CHLSN: variants seen among roughly 807,000 people sequenced by gnomAD.
The protein encoded by CHLSN is protein cholesin.
chr7:1,056,439 C>G, the CHLSN span: 1 of 152,498 alleles, frequency 6.6e-6, no homozygotes, highest in Non-Finnish European at 1.5e-5. Context: ...GTCCTGCCCA[C>G]CAGCCTCTGG....
the CHLSN span, chr7:1,045,518 T>A: frequency 6.6e-6 from 1 of 152,220 alleles, no homozygotes; most frequent in African/African-American, 2.4e-5. Flanking sequence ...CTCTGCAAAC[T>A]TGTATGAGTA....
At chr7:1,062,654 G>A in the CHLSN span, among the ~76,000 whole-genome samples, 1 of 152,194 alleles carries the variant, frequency 6.6e-6, no homozygotes, top group Admixed American at 6.5e-5. Context: ...GGCTTCTGTG[G>A]CCCTGAGGAT....
chr7:1,101,776 C>T, the CHLSN span, among the ~76,000 whole-genome samples: 3 of 152,254 alleles, frequency 2.0e-5, no homozygotes, highest in East Asian at 3.8e-4. Flanking sequence ...AGGGGCCGGC[C>T]GCAGGCCCAG....
the CHLSN span, among the ~76,000 whole-genome samples, chr7:1,036,458 GGCCGTGTA>G: frequency 7.9e-6 from 1 of 126,936 alleles, no homozygotes; most frequent in Non-Finnish European, 1.9e-5. Flanking sequence ...CTCGTGGTGT[GGCCGTGTA>G]GGGTTCGGGT....
the CHLSN span, among the ~76,000 whole-genome samples, chr7:1,110,901 A>T: frequency 6.6e-6 from 1 of 152,098 alleles, no homozygotes; most frequent in Non-Finnish European, 1.5e-5. Flanking sequence ...CATCAACCGT[A>T]ATCTTAGAAG....
At chr7:1,022,751 C>G in the CHLSN span, among the ~76,000 whole-genome samples, 2 of 152,216 alleles carry the variant, frequency 1.3e-5, no homozygotes, top group African/African-American at 4.8e-5. Context: ...GAATCCCCCC[C>G]AACCGTCCTC....
the CHLSN span, among the ~76,000 whole-genome samples, chr7:1,015,313 G>A: frequency 6.6e-6 from 1 of 152,110 alleles, no homozygotes; most frequent in South Asian, 2.1e-4. Context: ...GAGAGCAGGT[G>A]TGGGCTCCCC....
chr7:1,059,971 G>GTAGTGGGGTGGGTCT, the CHLSN span, among the ~76,000 whole-genome samples: 2 of 31,092 alleles, frequency 6.4e-5, no homozygotes, highest in African/African-American at 1.5e-4. Context: ...AGGCGGGCCC[G>GTAGTGGGGTGGGTCT]TAGTGGGGCG....
chr7:1,095,627 A>G, the CHLSN span, among the ~76,000 whole-genome samples: 33,782 of 152,184 alleles, frequency 0.22, 3,966 homozygotes, highest in African/African-American at 0.24. Flanking sequence ...GGGGAGACCC[A>G]CACGGAACGT....
At chr7:1,049,989 G>A in the CHLSN span, among the ~76,000 whole-genome samples, 1 of 152,000 alleles carries the variant, frequency 6.6e-6, no homozygotes. Context: ...CCACACTGTC[G>A]GCCCCCAAAG....
the CHLSN span, among the ~76,000 whole-genome samples, chr7:979,072 A>G: frequency 9.2e-5 from 14 of 152,246 alleles, no homozygotes; most frequent in African/African-American, 3.4e-4. Context: ...CTGGGGAACC[A>G]AGAGGAAGCT....
At chr7:1,007,646 T>C in the CHLSN span, among the ~76,000 whole-genome samples, 1 of 152,056 alleles carries the variant, frequency 6.6e-6, no homozygotes, top group Non-Finnish European at 1.5e-5. Flanking sequence ...TCCCAGGCCT[T>C]GGAAGAAGCT....
chr7:1,029,452 G>T, the CHLSN span, among the ~76,000 whole-genome samples: 28 of 152,184 alleles, frequency 1.8e-4, no homozygotes, highest in Non-Finnish European at 5.9e-5. Context: ...GAGAGATGGG[G>T]TCTCACTATG....
chr7:1,089,104 C>T, the CHLSN span, among the ~76,000 whole-genome samples: 1 of 152,152 alleles, frequency 6.6e-6, no homozygotes. Context: ...TCCAAAATTT[C>T]TACATTTAAA....
At chr7:1,023,771 G>A in the CHLSN span, among the ~76,000 whole-genome samples, 2,158 of 152,122 alleles carry the variant, frequency 0.014, 107 homozygotes, top group East Asian at 0.19. This position sits in a 1 kb window ranked among gnomAD's most constrained non-coding sequence, Gnocchi z 5.0. Flanking sequence ...CTCACATCTC[G>A]GCACATGTAG....
the CHLSN span, among the ~76,000 whole-genome samples, chr7:1,085,336 C>T: frequency 6.6e-6 from 1 of 152,220 alleles, no homozygotes; most frequent in South Asian, 2.1e-4. Flanking sequence ...GAAAAGATGA[C>T]TATTGACCCA....
At chr7:1,040,872 C>A in the CHLSN span, among the ~76,000 whole-genome samples, 1 of 152,232 alleles carries the variant, frequency 6.6e-6, no homozygotes, top group Non-Finnish European at 1.5e-5. Context: ...AGGCGCAGCT[C>A]GGAGCAGGGC....
the CHLSN span, among the ~76,000 whole-genome samples, chr7:1,073,574 A>G: frequency 6.6e-6 from 1 of 152,062 alleles, no homozygotes; most frequent in African/African-American, 2.4e-5. Flanking sequence ...TTTGGTTCTC[A>G]TGAAAACAGA....
At chr7:1,003,543 T>C in the CHLSN span, among the ~76,000 whole-genome samples, 1 of 28,464 alleles carries the variant, frequency 3.5e-5, no homozygotes, top group Non-Finnish European at 6.0e-5. Context: ...TGGAGTCCTG[T>C]GGGTGAGTGG....
Sources: gnomAD v4.1 joint callset for allele counts (sites outside exome capture counted in the v4.1 genomes callset) on GRCh38, gnomAD v4.1.1 for gene constraint, Gnocchi (gnomAD v3.1) non-coding constraint, MANE v1.5 for transcripts, NCBI Gene and HGNC (gene_info 2026-07-23, HGNC 2026-07-21) for gene names.